SFMBT1: variants seen among roughly 807,000 people sequenced by gnomAD.
SFMBT1 encodes the protein scm-like with four MBT domains protein 1.
In SFMBT1, 32 loss-of-function variants were observed where a neutral mutation model predicts 108.7. That is an observed-to-expected ratio of 0.29 (90% CI 0.22 to 0.40). The LOEUF is 0.40. Ranked by LOEUF, SFMBT1 falls within the 10% of genes least tolerant of loss-of-function variation. The pLI is 1.00. For synonymous variants in SFMBT1, 348 were observed against 369.5 expected (o/e 0.94, Z 0.67); for missense variants, 816 against 1,059.6 (o/e 0.77, Z 3.19).
intron 1 of SFMBT1, among the ~76,000 whole-genome samples, chr3:53,019,402 G>T: frequency 6.6e-6 from 1 of 151,422 alleles, no homozygotes; most frequent in South Asian, 2.1e-4. Flanking sequence ...GGGTATATGT[G>T]TGAAATCAAT....
chr3:53,008,913 G>A (rs2106925040), intron 1 of SFMBT1, among the ~76,000 whole-genome samples: 1 of 152,028 alleles, frequency 6.6e-6, no homozygotes, highest in South Asian at 2.1e-4. Context: ...GGGATTACAG[G>A]CGTGAGCCAC....
intron 1 of SFMBT1, among the ~76,000 whole-genome samples, chr3:53,026,479 G>A: frequency 6.6e-6 from 1 of 152,148 alleles, no homozygotes; most frequent in East Asian, 1.9e-4. Flanking sequence ...CAATTAAAGA[G>A]CAAATAGAGG....
At chr3:52,919,189 G>C (rs558542718) in intron 12 of SFMBT1, among the ~76,000 whole-genome samples, 13 of 152,138 alleles carry the variant, frequency 8.5e-5, no homozygotes, top group Admixed American at 8.5e-4. Flanking sequence ...AAATGTAAGG[G>C]TTAAAACTAT....
At chr3:52,974,765 G>A (rs1007897974) in intron 1 of SFMBT1, among the ~76,000 whole-genome samples, 10 of 146,258 alleles carry the variant, frequency 6.8e-5, no homozygotes, top group East Asian at 2.0e-4. Context: ...CTGAGGTGGC[G>A]AATCACTTGA....
chr3:53,029,361 A>G (rs529040073), intron 1 of SFMBT1, among the ~76,000 whole-genome samples: 1 of 152,256 alleles, frequency 6.6e-6, no homozygotes, highest in South Asian at 2.1e-4. Flanking sequence ...TTAATGAAGG[A>G]TAATAACTAA....
intron 1 of SFMBT1, among the ~76,000 whole-genome samples, chr3:53,022,590 C>T (rs1386271315): frequency 6.6e-6 from 1 of 151,726 alleles, no homozygotes; most frequent in Non-Finnish European, 1.5e-5. Context: ...AAAATGAAGG[C>T]GATTCTGACA....
rs1698308806 is a variant in SFMBT1, at chr3:52,995,851, C to T, written c.-130-26593G>A. Among the ~76,000 whole-genome samples the T allele has an allele frequency of 2.0e-5, 3 of 149,722 alleles. No individual in the cohort carries two copies. In the South Asian group the frequency reaches 6.4e-4, roughly 32 times the overall value. ...CTTTGGGAGGCTGAGGCGGGTGGAT[C>T]ACCTCAGGTCAGGAGTTCGAGACCA... is the stretch of plus-strand genomic sequence containing the variant. On this transcript the variant is annotated intron_variant, in intron 1 of 20. Coordinates refer to ENST00000394752, the MANE Select transcript of SFMBT1 (RefSeq NM_016329.4).
intron 1 of SFMBT1, among the ~76,000 whole-genome samples, chr3:53,011,514 G>A (rs571679457): frequency 3.9e-5 from 6 of 152,322 alleles, no homozygotes; most frequent in African/African-American, 1.2e-4. Context: ...TTAAAGGGCA[G>A]TTAGGACCAG....
chr3:52,937,591 T>C (rs955230832), intron 4 of SFMBT1, among the ~76,000 whole-genome samples: 18 of 152,104 alleles, frequency 1.2e-4, no homozygotes, highest in Admixed American at 2.0e-4. Flanking sequence ...ATTCATTCTT[T>C]TTTTTTTTTG....
intron 3 of SFMBT1, among the ~76,000 whole-genome samples, chr3:52,951,678 T>C (rs889441668): frequency 1.3e-5 from 2 of 152,148 alleles, no homozygotes; most frequent in Non-Finnish European, 2.9e-5. Context: ...AATGAATAGG[T>C]TGGGCTATTT....
Position 52,905,194 on chromosome 3 carries a change from T to C in SFMBT1, c.2543A>G (p.Lys848Arg), listed in dbSNP as rs146543428. ...GATCCTCTCTATGTGATGGCAAAGT[T>C]TGATGGCAGGGCCCAATTTTAAGTC... ...CMDLKLGPAI[K>R]LCHHIERIKF... Residue 848 changes from lysine (K) to arginine (R), a missense_variant, in exon 21 of 21, where the codon AAA becomes AGA. Physicochemically the swap from Lys to Arg is conservative, Grantham distance 26. Around this residue, in one of 5 missense-constraint regions of SFMBT1, gnomAD observed 49 missense variants for 91.8 expected, o/e 0.53. Transcript: ENST00000394752. 567 of 1,614,108 alleles carry C rather than the reference T, an allele frequency of 3.5e-4. 9 individuals are homozygous for C. The East Asian group carries it at 0.011, about 31-fold the overall frequency.
intron 9 of SFMBT1, 134 bp downstream of exon 9, chr3:52,928,057 T>G: frequency 8.9e-7 from 1 of 1,125,840 alleles, no homozygotes. Context: ...CTTATACTTT[T>G]CTCAGACCCC....
At chr3:52,914,506 A>G (rs4687688) in intron 14 of SFMBT1, among the ~76,000 whole-genome samples, 147,890 of 152,238 alleles carry the variant, frequency 0.97, 71,991 homozygotes, top group Middle Eastern at 1. Flanking sequence ...GGGGGAGCAC[A>G]TCGCTTGAGT....
intron 1 of SFMBT1, among the ~76,000 whole-genome samples, chr3:53,016,814 C>T (rs989832846): frequency 6.6e-6 from 1 of 152,132 alleles, no homozygotes; most frequent in African/African-American, 2.4e-5. Flanking sequence ...CTTTCCTTTA[C>T]AGTTAGTGCT....
intron 9 of SFMBT1, among the ~76,000 whole-genome samples, chr3:52,926,904 C>T (rs149215343): frequency 9.2e-5 from 14 of 152,204 alleles, no homozygotes; most frequent in African/African-American, 2.6e-4. Flanking sequence ...CCCTGCCTAC[C>T]GAAGACTGGC....
chr3:52,997,480 G>T (rs558517163), intron 1 of SFMBT1, among the ~76,000 whole-genome samples: 1 of 149,074 alleles, frequency 6.7e-6, no homozygotes, highest in East Asian at 2.0e-4. Flanking sequence ...AGCTTGTAGT[G>T]AGCCGAGATC....
chr3:53,035,125 A>C (rs1699826577), intron 1 of SFMBT1, among the ~76,000 whole-genome samples: 1 of 152,210 alleles, frequency 6.6e-6, no homozygotes, highest in Non-Finnish European at 1.5e-5. Context: ...GAAGGGAATA[A>C]GCTGGACAAA....
intron 1 of SFMBT1, among the ~76,000 whole-genome samples, chr3:53,028,340 C>G (rs940208457): frequency 1.3e-5 from 2 of 152,192 alleles, no homozygotes; most frequent in East Asian, 3.8e-4. Flanking sequence ...CCTTGGCCTC[C>G]CAAAATGCTG....
intron 3 of SFMBT1, among the ~76,000 whole-genome samples, chr3:52,945,150 A>AAAAAAAAAAAAAAAAAAAAAAAAAAG (rs1703323024): frequency 6.7e-6 from 1 of 149,124 alleles, no homozygotes; most frequent in Non-Finnish European, 1.5e-5. Context: ...AAAAAAAAAA[A>AAAAAAAAAAAAAAAAAAAAAAAAAAG]ACAAGGACTT....
Sources: gnomAD v4.1 joint callset for allele counts (sites outside exome capture counted in the v4.1 genomes callset) on GRCh38, gnomAD v4.1.1 for gene constraint, gnomAD v4.1.1 regional missense constraint, MANE v1.5 for transcripts, NCBI Gene and HGNC (gene_info 2026-07-23, HGNC 2026-07-21) for gene names.